ZNF618: variants seen among roughly 807,000 people sequenced by gnomAD.
ZNF618 encodes neural precursor cell expressed, developmentally down-regulated 10.
In ZNF618, 34 loss-of-function variants were observed where a neutral mutation model predicts 103.0. That is an observed-to-expected ratio of 0.33 (90% CI 0.25 to 0.44). ZNF618 has a LOEUF of 0.44. Among genes scored for constraint, ZNF618 ranks in the 20% least tolerant of loss-of-function variants. The pLI, the probability that ZNF618 is intolerant of heterozygous loss-of-function variation, is 1.00. For missense variants in ZNF618, 1,059 were observed against 1,295.4 expected, an observed-to-expected ratio of 0.82 and a Z score of 2.80; for synonymous variants, 551 against 542.2, an observed-to-expected ratio of 1.02 and a Z score of -0.23.
chr9:113,889,586 C>T (rs985971990), intron 1 of ZNF618, among the ~76,000 whole-genome samples: 33 of 152,210 alleles, frequency 2.2e-4, no homozygotes, highest in African/African-American at 7.7e-4. Flanking sequence ...ACATCAACTC[C>T]ATCTGTCTAT....
At chr9:114,022,211 C>T (rs2134043569) in intron 10 of ZNF618, among the ~76,000 whole-genome samples, 1 of 152,074 alleles carries the variant, frequency 6.6e-6, no homozygotes, top group South Asian at 2.1e-4. Flanking sequence ...TACATTCCAA[C>T]CAGCAGTACA....
chr9:113,926,639 T>C (rs1833120962), intron 1 of ZNF618, among the ~76,000 whole-genome samples: 1 of 152,236 alleles, frequency 6.6e-6, no homozygotes, highest in Admixed American at 6.5e-5. Flanking sequence ...TTAGTTTCCA[T>C]CTCTCTGCTT....
At chr9:113,965,710 G>A (rs1037927665) in intron 1 of ZNF618, among the ~76,000 whole-genome samples, 1 of 152,186 alleles carries the variant, frequency 6.6e-6, no homozygotes, top group Non-Finnish European at 1.5e-5. Context: ...AAAGGAACGA[G>A]CTTGTCTGAG....
At chr9:114,048,626 C>A in intron 14 of ZNF618, 25 bp from the exon 15 acceptor site, 1 of 1,589,602 alleles carries the variant, frequency 6.3e-7, no homozygotes, top group Non-Finnish European at 8.6e-7. Context: ...GAATTAATCC[C>A]ATCTGTCTTT....
At chr9:114,009,165 A>T (rs1370009279) in intron 9 of ZNF618, among the ~76,000 whole-genome samples, 3 of 152,134 alleles carry the variant, frequency 2.0e-5, no homozygotes, top group Non-Finnish European at 4.4e-5. Flanking sequence ...CCCTTGGGTA[A>T]TTCAGATGGG....
chr9:113,924,114 G>C (rs1832873389), intron 1 of ZNF618, among the ~76,000 whole-genome samples: 2 of 151,984 alleles, frequency 1.3e-5, no homozygotes, highest in African/African-American at 4.8e-5. Flanking sequence ...TTGTCCTTAA[G>C]GGTTTGGTAC....
intron 2 of ZNF618, among the ~76,000 whole-genome samples, chr9:113,978,412 A>C (rs1459710996): frequency 6.6e-6 from 1 of 152,222 alleles, no homozygotes; most frequent in Non-Finnish European, 1.5e-5. Flanking sequence ...ATTTGAAAAC[A>C]CATCAGGGAG....
intron 2 of ZNF618, among the ~76,000 whole-genome samples, chr9:113,985,530 C>G (rs1839388149): frequency 6.6e-6 from 1 of 152,172 alleles, no homozygotes; most frequent in African/African-American, 2.4e-5. Context: ...TCTGGGGGGC[C>G]AGGGGGACTC....
chr9:113,949,853 G>A (rs181508867), intron 1 of ZNF618, among the ~76,000 whole-genome samples: 143 of 152,334 alleles, frequency 9.4e-4, no homozygotes, highest in African/African-American at 2.9e-3. Flanking sequence ...CAGCGAAGTC[G>A]CGCCACCTGG....
intron 7 of ZNF618, among the ~76,000 whole-genome samples, chr9:114,008,135 G>A (rs1343291633): frequency 6.6e-6 from 1 of 152,238 alleles, no homozygotes; most frequent in Non-Finnish European, 1.5e-5. Flanking sequence ...AGGGATTGAG[G>A]CCCAGGCTGT....
intron 3 of ZNF618, among the ~76,000 whole-genome samples, chr9:113,991,178 C>A (rs560967764): frequency 1.3e-5 from 2 of 152,204 alleles, no homozygotes; most frequent in African/African-American, 4.8e-5. Context: ...CCCCAGGACC[C>A]GTGAGCCTCA....
chr9:113,956,360 C>T (rs893419717), intron 1 of ZNF618, among the ~76,000 whole-genome samples: 2 of 152,082 alleles, frequency 1.3e-5, no homozygotes, highest in African/African-American at 2.4e-5. Flanking sequence ...GCTGTGACCT[C>T]AGAATCTTTC....
chr9:113,880,972 A>G (rs1394670435), intron 1 of ZNF618, among the ~76,000 whole-genome samples: 1 of 152,194 alleles, frequency 6.6e-6, no homozygotes, highest in Non-Finnish European at 1.5e-5. Flanking sequence ...GGTTGAGCCC[A>G]CTTCAAGGGC....
Position 113,947,587 on chromosome 9 carries a change from G to C in ZNF618, c.34-21530G>C, listed in dbSNP as rs1042784018. 1.6e-4 allele frequency among the ~76,000 whole-genome samples: 25 copies of C among 152,132 alleles called. 1 individual carries two copies. The highest frequency in any genetic ancestry group is 3.2e-4 in the Non-Finnish European group (22 of 68,026). On this transcript the variant is annotated intron_variant, in intron 1 of 14. Transcript: ENST00000374126. ...CATGTGCCTCTGATTCTTAATGACT[G>C]TTGAACTGAACTGAGCTGAATTGAG...
chr9:114,035,734 C>T (rs1191168845), intron 12 of ZNF618, among the ~76,000 whole-genome samples: 1 of 151,998 alleles, frequency 6.6e-6, no homozygotes, highest in Non-Finnish European at 1.5e-5. Flanking sequence ...CGCGTGCCCT[C>T]CCTCACTCCT....
intron 1 of ZNF618, among the ~76,000 whole-genome samples, chr9:113,966,577 C>T (rs1375841233): frequency 6.6e-6 from 1 of 152,238 alleles, no homozygotes; most frequent in Non-Finnish European, 1.5e-5. Context: ...TATGGAACTC[C>T]ACCCTGGGAG....
chr9:113,889,093 C>T (rs1433221832), intron 1 of ZNF618, among the ~76,000 whole-genome samples: 2 of 152,174 alleles, frequency 1.3e-5, no homozygotes, highest in Non-Finnish European at 2.9e-5. Context: ...CCCCAAAATT[C>T]AGTGGCTTAA....
At chr9:113,916,027 C>G (rs1832038682) in intron 1 of ZNF618, among the ~76,000 whole-genome samples, 1 of 151,932 alleles carries the variant, frequency 6.6e-6, no homozygotes, top group African/African-American at 2.4e-5. Flanking sequence ...AGTATTATCT[C>G]TTTGTGCTGA....
intron 1 of ZNF618, among the ~76,000 whole-genome samples, chr9:113,967,420 C>T (rs1460260531): frequency 6.6e-6 from 1 of 152,130 alleles, no homozygotes; most frequent in East Asian, 1.9e-4. Context: ...TTTCTTCCTC[C>T]CCGACCTCAC....
Sources: gnomAD v4.1 joint callset for allele counts (sites outside exome capture counted in the v4.1 genomes callset) on GRCh38, gnomAD v4.1.1 for gene constraint, MANE v1.5 for transcripts, NCBI Gene and HGNC (gene_info 2026-07-23, HGNC 2026-07-21) for gene names.